SEMA3E: variants seen among roughly 807,000 people sequenced by gnomAD.
SEMA3E encodes the protein semaphorin 3E.
In SEMA3E, 49 loss-of-function variants were observed where a neutral mutation model predicts 93.6. The ratio of observed to expected loss-of-function variants is 0.52; its 90% confidence interval spans 0.42 to 0.66. The LOEUF (loss-of-function observed/expected upper bound fraction) is 0.66, where lower values mean the gene tolerates loss of function less well. SEMA3E is among the 30% of genes least tolerant of loss of function. SEMA3E has a pLI of 0.00. For synonymous variants in SEMA3E, 363 were observed against 330.7 expected, an observed-to-expected ratio of 1.10 and a Z score of -1.06; for missense variants, 906 against 964.8, an observed-to-expected ratio of 0.94 and a Z score of 0.81.
intron 14 of SEMA3E, among the ~76,000 whole-genome samples, chr7:83,390,054 C>CACATATATACCCGTAT (rs1787977993): frequency 3.6e-5 from 1 of 27,982 alleles, no homozygotes; most frequent in African/African-American, 8.5e-5. Flanking sequence ...TGCGCGTATA[C>CACATATATACCCGTAT]GTGTGCACAT....
chr7:83,588,858 CT>C (rs1410338476), intron 1 of SEMA3E, among the ~76,000 whole-genome samples: 1 of 152,138 alleles, frequency 6.6e-6, no homozygotes, highest in Non-Finnish European at 1.5e-5. Flanking sequence ...CCTAGGGCTA[CT>C]TCTTGAAGCT....
chr7:83,414,679 A>G (rs1261536520), intron 5 of SEMA3E, among the ~76,000 whole-genome samples: 1 of 152,170 alleles, frequency 6.6e-6, no homozygotes, highest in East Asian at 1.9e-4. Context: ...TTGTTAAAAT[A>G]AAATTTAGTG....
chr7:83,453,903 T>C (rs1257777546), intron 4 of SEMA3E, among the ~76,000 whole-genome samples: 1 of 150,984 alleles, frequency 6.6e-6, no homozygotes, highest in Non-Finnish European at 1.5e-5. Context: ...TTACCCACTC[T>C]AGATTTTTAC....
At chr7:83,441,795 A>C (rs1789119616) in intron 4 of SEMA3E, among the ~76,000 whole-genome samples, 1 of 152,196 alleles carries the variant, frequency 6.6e-6, no homozygotes, top group South Asian at 2.1e-4. Flanking sequence ...ATATACAATT[A>C]ATATCACCAC....
chr7:83,513,439 C>A (rs1790864398), intron 1 of SEMA3E, among the ~76,000 whole-genome samples: 1 of 152,116 alleles, frequency 6.6e-6, no homozygotes, highest in Non-Finnish European at 1.5e-5. Context: ...AAAAAATATG[C>A]ATTTCTAAAA....
chr7:83,528,326 C>G (rs1791209557), intron 1 of SEMA3E, among the ~76,000 whole-genome samples: 1 of 152,068 alleles, frequency 6.6e-6, no homozygotes, highest in Non-Finnish European at 1.5e-5. Flanking sequence ...ATATTTTCAT[C>G]TATTTCTTTG....
intron 11 of SEMA3E, among the ~76,000 whole-genome samples, chr7:83,397,982 T>A (rs1285056618): frequency 6.6e-6 from 1 of 152,204 alleles, no homozygotes; most frequent in Non-Finnish European, 1.5e-5. Flanking sequence ...AAATGATTAA[T>A]TCGCAATTAG....
chr7:83,632,039 T>C (rs1470639042), intron 1 of SEMA3E, among the ~76,000 whole-genome samples: 1 of 151,286 alleles, frequency 6.6e-6, no homozygotes, highest in African/African-American at 2.4e-5. Flanking sequence ...CCTGTAATCC[T>C]GGCTAGTCAG....
chr7:83,426,375 C>T (rs1414119827), intron 4 of SEMA3E, among the ~76,000 whole-genome samples: 1 of 138,620 alleles, frequency 7.2e-6, no homozygotes, highest in Admixed American at 7.8e-5. Context: ...TACATATACA[C>T]CATGGAATAC....
At chr7:83,454,316 G>T (rs1172489888) in intron 4 of SEMA3E, among the ~76,000 whole-genome samples, 3 of 121,352 alleles carry the variant, frequency 2.5e-5, no homozygotes, top group Non-Finnish European at 1.7e-5. Context: ...ATATATATTT[G>T]ATAAACAAGC....
intron 1 of SEMA3E, among the ~76,000 whole-genome samples, chr7:83,557,810 T>G (rs2115824753): frequency 6.6e-6 from 1 of 152,256 alleles, no homozygotes; most frequent in South Asian, 2.1e-4. Flanking sequence ...TAAGAATTGC[T>G]CTAAGAATTA....
At chr7:83,383,910 GGAATTTAAAAAGCCA>G (rs1787831146) in intron 16 of SEMA3E, among the ~76,000 whole-genome samples, 1 of 151,866 alleles carries the variant, frequency 6.6e-6, no homozygotes, top group African/African-American at 2.4e-5. Flanking sequence ...GGAATTACAA[GGAATTTAAAAAGCCA>G]TTTCACCTCA....
intron 2 of SEMA3E, among the ~76,000 whole-genome samples, chr7:83,470,492 G>T (rs1309532427): frequency 6.6e-6 from 1 of 151,822 alleles, no homozygotes; most frequent in Non-Finnish European, 1.5e-5. Flanking sequence ...TACGTGCAGA[G>T]GTTTGAGTTT....
intron 1 of SEMA3E, among the ~76,000 whole-genome samples, chr7:83,524,690 T>G (rs1360582360): frequency 6.6e-6 from 1 of 152,146 alleles, no homozygotes; most frequent in Non-Finnish European, 1.5e-5. Flanking sequence ...ATTCTGAGAT[T>G]TAATGTTCTC....
intron 1 of SEMA3E, among the ~76,000 whole-genome samples, chr7:83,530,203 T>C (rs1422601707): frequency 6.6e-6 from 1 of 152,176 alleles, no homozygotes; most frequent in Non-Finnish European, 1.5e-5. Flanking sequence ...ACCTTGCTTA[T>C]TATTCATTAC....
At chr7:83,493,792 G>A (rs1790432688) in intron 1 of SEMA3E, among the ~76,000 whole-genome samples, 1 of 151,738 alleles carries the variant, frequency 6.6e-6, no homozygotes, top group Admixed American at 6.6e-5. Flanking sequence ...ACTTTCACTG[G>A]CATAAATCCT....
chr7:83,437,631 T>TACTA (rs994616916), intron 4 of SEMA3E, among the ~76,000 whole-genome samples: 19 of 152,140 alleles, frequency 1.2e-4, no homozygotes, highest in Non-Finnish European at 2.4e-4. Context: ...TGTAAAAAGA[T>TACTA]ACTATCTCAG....
At chr7:83,373,110 C>T (rs1420658202) in intron 16 of SEMA3E, 2 of 148,598 alleles carry the variant, frequency 1.3e-5, no homozygotes. Flanking sequence ...TTATTCTTAG[C>T]TATAAAGATT....
chr7:83,561,997 A>T (rs1328417557), intron 1 of SEMA3E, among the ~76,000 whole-genome samples: 1 of 152,154 alleles, frequency 6.6e-6, no homozygotes, highest in Non-Finnish European at 1.5e-5. Context: ...CATGTATTCA[A>T]TGGCTTATAT....
Sources: allele counts gnomAD v4.1 joint callset (sites outside exome capture counted in the v4.1 genomes callset), GRCh38; gene constraint gnomAD v4.1.1; transcripts MANE v1.5; gene names NCBI Gene and HGNC (gene_info 2026-07-23, HGNC 2026-07-21).